Variants in CAST observed in about 807,000 individuals in gnomAD.
The protein encoded by CAST is calpastatin.
In CAST, 76 loss-of-function variants were observed where a neutral mutation model predicts 119.6. The ratio of observed to expected loss-of-function variants is 0.64; its 90% confidence interval spans 0.53 to 0.77. The LOEUF (loss-of-function observed/expected upper bound fraction) is 0.77, where lower values mean the gene tolerates loss of function less well. Among genes scored for constraint, CAST ranks in the 30% least tolerant of loss-of-function variants. CAST has a pLI of 0.00. For missense variants in CAST, 953 were observed against 946.5 expected (o/e 1.01, Z -0.09); for synonymous variants, 319 against 331.6 (o/e 0.96, Z 0.41).
chr5:96,551,636 G>C (rs6893094), intron 1 of CAST, among the ~76,000 whole-genome samples: 44,841 of 151,606 alleles, frequency 0.3, 7,009 homozygotes, highest in East Asian at 0.58. Context: ...ATTGGATAAA[G>C]AGTCAAGACC....
At chr5:96,600,923 T>C (rs1747138030) in intron 1 of CAST, among the ~76,000 whole-genome samples, 1 of 152,152 alleles carries the variant, frequency 6.6e-6, no homozygotes, top group Non-Finnish European at 1.5e-5. Context: ...TCTCAAAACA[T>C]ACTAACCTCT....
chr5:96,233,575 A>G, the CAST span, among the ~76,000 whole-genome samples: 1 of 152,160 alleles, frequency 6.6e-6, no homozygotes, highest in Non-Finnish European at 1.5e-5. Context: ...CCTCTCATCA[A>G]TATTTTCCAT....
At chr5:96,677,022 C>G (rs1750793963) in intron 2 of CAST, among the ~76,000 whole-genome samples, 1 of 151,160 alleles carries the variant, frequency 6.6e-6, no homozygotes. Flanking sequence ...CCACTGCACT[C>G]CAGCTGGGTG....
the CAST span, among the ~76,000 whole-genome samples, chr5:96,460,032 G>A: frequency 1.3e-5 from 2 of 152,034 alleles, no homozygotes; most frequent in Non-Finnish European, 2.9e-5. Context: ...AACAATTCTA[G>A]ACCCATCCAG....
At chr5:96,706,376 C>T (rs1754977427) in intron 3 of CAST, among the ~76,000 whole-genome samples, 1 of 152,050 alleles carries the variant, frequency 6.6e-6, no homozygotes, top group South Asian at 2.1e-4. Flanking sequence ...AGAGGTATGG[C>T]CCATATAACA....
chr5:96,465,345 C>A, the CAST span, among the ~76,000 whole-genome samples: 3 of 152,004 alleles, frequency 2.0e-5, no homozygotes, highest in African/African-American at 7.2e-5. Flanking sequence ...CATACATGTA[C>A]AAATAATGAT....
chr5:96,383,606 C>T, the CAST span, among the ~76,000 whole-genome samples: 2 of 152,164 alleles, frequency 1.3e-5, no homozygotes, highest in African/African-American at 4.8e-5. Context: ...CCACCACGCC[C>T]AGCTAATTTT....
chr5:96,599,282 A>C (rs116965463), intron 1 of CAST, among the ~76,000 whole-genome samples: 2 of 152,276 alleles, frequency 1.3e-5, no homozygotes, highest in African/African-American at 4.8e-5. Flanking sequence ...TTAGTGCCCC[A>C]ATCTGTCCTC....
At chr5:96,654,027 C>CTTTTTTT (rs71617134) in intron 1 of CAST, among the ~76,000 whole-genome samples, 2 of 126,960 alleles carry the variant, frequency 1.6e-5, no homozygotes, top group African/African-American at 3.0e-5. Flanking sequence ...CTTTTCTTTT[C>CTTTTTTT]TTTTTTTTTT....
chr5:96,271,523 G>T, the CAST span, among the ~76,000 whole-genome samples: 3 of 152,054 alleles, frequency 2.0e-5, no homozygotes, highest in African/African-American at 7.2e-5. Flanking sequence ...CTCAATAAAT[G>T]GTGCTGGGAA....
chr5:96,428,116 T>C, the CAST span, among the ~76,000 whole-genome samples: 3,746 of 152,334 alleles, frequency 0.025, 152 homozygotes, highest in African/African-American at 0.086. Context: ...TCCCATTCCC[T>C]ACCCTCATAA....
At chr5:96,527,690 A>T (rs1745618444), upstream of CAST, among the ~76,000 whole-genome samples, 1 of 152,258 alleles carries the variant, frequency 6.6e-6, no homozygotes, top group South Asian at 2.1e-4. Context: ...GAAACCTCTC[A>T]GAAAAGCAAG....
At chr5:96,043,578 G>A in the CAST span, among the ~76,000 whole-genome samples, 2 of 152,136 alleles carry the variant, frequency 1.3e-5, no homozygotes, top group Non-Finnish European at 2.9e-5. Flanking sequence ...CTGCCTCCCT[G>A]GTCACAAGTT....
chr5:96,658,606 G>A (rs567126016), upstream of CAST, among the ~76,000 whole-genome samples: 1 of 152,216 alleles, frequency 6.6e-6, no homozygotes, highest in Admixed American at 6.5e-5. Flanking sequence ...AACATTCAGG[G>A]GTTTTGAAAT....
chr5:96,598,050 C>T (rs1747085355), intron 1 of CAST, among the ~76,000 whole-genome samples: 1 of 152,180 alleles, frequency 6.6e-6, no homozygotes, highest in South Asian at 2.1e-4. Context: ...TCCCGAAGGT[C>T]CTGTGCTCAG....
chr5:96,250,875 G>T, the CAST span, among the ~76,000 whole-genome samples: 2 of 152,178 alleles, frequency 1.3e-5, no homozygotes, highest in African/African-American at 4.8e-5. Flanking sequence ...AAATATCAGA[G>T]AAAAGGTACA....
chr5:96,302,015 C>T, the CAST span, among the ~76,000 whole-genome samples: 1 of 152,210 alleles, frequency 6.6e-6, no homozygotes, highest in Non-Finnish European at 1.5e-5. Context: ...GAGGACACTA[C>T]CCCTGCAGCA....
chr5:96,020,614 T>C, the CAST span, among the ~76,000 whole-genome samples: 1 of 152,206 alleles, frequency 6.6e-6, no homozygotes, highest in South Asian at 2.1e-4. Flanking sequence ...GCATGCTCTT[T>C]GCGAGAATCT....
At chr5:96,597,179 A>G (rs1747068026) in intron 1 of CAST, among the ~76,000 whole-genome samples, 1 of 152,228 alleles carries the variant, frequency 6.6e-6, no homozygotes, top group Admixed American at 6.5e-5. Flanking sequence ...TATGAAGAGC[A>G]TATCAGAAAG....
Sources: gnomAD v4.1 joint callset for allele counts (sites outside exome capture counted in the v4.1 genomes callset) on GRCh38, gnomAD v4.1.1 for gene constraint, MANE v1.5 for transcripts, NCBI Gene and HGNC (gene_info 2026-07-23, HGNC 2026-07-21) for gene names.